Variants in COL4A2 observed in about 807,000 individuals in gnomAD.
COL4A2 encodes the protein collagen type IV alpha 2 chain.
Under a neutral mutation model 200.2 loss-of-function variants are expected in COL4A2, and 99 were observed. That is an observed-to-expected ratio of 0.49 (90% confidence interval 0.42 to 0.58). The LOEUF (loss-of-function observed/expected upper bound fraction) is 0.58, where lower values mean the gene tolerates loss of function less well. Ranked by LOEUF, COL4A2 falls within the 20% of genes least tolerant of loss-of-function variation. The probability of loss-of-function intolerance (pLI) is 0.00; values close to 1 mark genes in which losing one functional copy is unlikely to be tolerated. For synonymous variants in COL4A2, 897 were observed against 900.6 expected, an observed-to-expected ratio of 1.00 and a Z score of 0.07; for missense variants, 1,950 against 2,314.1, an observed-to-expected ratio of 0.84 and a Z score of 3.23.
intron 4 of COL4A2, among the ~76,000 whole-genome samples, chr13:110,381,428 T>C (rs1396215135): frequency 1.3e-5 from 2 of 152,244 alleles, no homozygotes; most frequent in Non-Finnish European, 2.9e-5. Flanking sequence ...TCTTTAAAAA[T>C]CTAAAATACT....
intron 6 of COL4A2, among the ~76,000 whole-genome samples, chr13:110,425,340 C>T (rs1372803414): frequency 6.6e-6 from 1 of 152,198 alleles, no homozygotes; most frequent in East Asian, 1.9e-4. Context: ...TAAAGTCGTT[C>T]AGCCAAGAGC....
intron 12 of COL4A2, among the ~76,000 whole-genome samples, chr13:110,435,242 G>A (rs1880829377): frequency 6.6e-6 from 1 of 152,076 alleles, no homozygotes; most frequent in Non-Finnish European, 1.5e-5. Flanking sequence ...GGAAAAAAAA[G>A]AAAGAAAAAC....
chr13:110,438,711 G>GT (rs777571956), intron 15 of COL4A2, 43 bp downstream of exon 15: 1 of 1,613,122 alleles, frequency 6.2e-7, no homozygotes, highest in South Asian at 1.1e-5. Flanking sequence ...GTTTGGTTTG[G>GT]TTTTTTTCAG....
chr13:110,307,566 C>A lies in COL4A2; in HGVS notation c.-45+38C>A. On this transcript the variant is annotated intron_variant, in intron 1 of 47. Coordinates refer to ENST00000360467, the MANE Select transcript of COL4A2 (RefSeq NM_001846.4). This position sits in a 1 kb window ranked among gnomAD's most constrained non-coding sequence, Gnocchi z 5.0. ...CCCGAGCGGCGCCCAGACCCTGGCC[C>A]GAGAGCACCGACTTGGAGCGCCTTG... 2.9e-6 allele frequency: 1 copy of A among 350,562 alleles called. No individual in the cohort carries two copies. The highest frequency in any genetic ancestry group is 4.6e-5 in the Admixed American group (1 of 21,754). The allele number at this position is 350,562 out of a possible 1,614,324, so 21.7% of individuals were successfully genotyped here. A position where few individuals can be genotyped will look rare whatever the true frequency, so the allele number is the denominator to read the frequency against.
At chr13:110,483,688 G>A (rs954604292) in intron 32 of COL4A2, among the ~76,000 whole-genome samples, 1 of 131,638 alleles carries the variant, frequency 7.6e-6, no homozygotes, top group Non-Finnish European at 1.5e-5. Context: ...AAGTGGATTC[G>A]CAGTTTCCTA....
chr13:110,447,007 TAAAC>T (rs749064824), intron 18 of COL4A2, 143 bp downstream of exon 18: 33 of 520,682 alleles, frequency 6.3e-5, no homozygotes, highest in Non-Finnish European at 9.6e-5. Flanking sequence ...AAATAAAAAA[TAAAC>T]CACGAAATTT....
rs547430295 is a variant in COL4A2 at position 110,484,450 on chromosome 13, C to G, written c.2903-455C>G. Reference sequence around the variant, plus strand: ...TGCAATTTCTCAGCTCCTCAGAACCCCCCGGAGACCTCCCTTCCATGCTTC... The same window carrying G: ...TGCAATTTCTCAGCTCCTCAGAACCGCCCGGAGACCTCCCTTCCATGCTTC... On this transcript the variant is annotated intron_variant, in intron 32 of 47. Coordinates refer to ENST00000360467, the MANE Select transcript of COL4A2 (RefSeq NM_001846.4). Among the ~76,000 whole-genome samples the G allele has an allele frequency of 2.6e-5, 4 of 152,250 alleles. No homozygotes were observed. In the East Asian group the frequency reaches 7.8e-4, roughly 30 times the overall value.
chr13:110,307,577 A>G lies in COL4A2; in HGVS notation c.-45+49A>G, dbSNP rs1394298658. On this transcript the variant is annotated intron_variant, in intron 1 of 47. Transcript: ENST00000360467. This position sits in a 1 kb window ranked among gnomAD's most constrained non-coding sequence, Gnocchi z 5.0. ...CCCAGACCCTGGCCCGAGAGCACCG[A>G]CTTGGAGCGCCTTGTGCAGGCTAGG... The G allele has an allele frequency of 5.5e-6, 2 of 361,668 alleles. No individual in the cohort carries two copies. Among genetic ancestry groups the G allele is most frequent in the Non-Finnish European group, 9.9e-6 (2 of 202,198 alleles). The allele number at this position is 361,668 out of a possible 1,614,324, so 22.4% of individuals were successfully genotyped here.
At chr13:110,360,182 T>C (rs1594168937) in intron 4 of COL4A2, among the ~76,000 whole-genome samples, 1 of 152,336 alleles carries the variant, frequency 6.6e-6, no homozygotes, top group East Asian at 1.9e-4. Context: ...GAATTGGTGG[T>C]ATACACATAT....
At chr13:110,387,254 A>AT (rs1457228855) in intron 4 of COL4A2, among the ~76,000 whole-genome samples, 1 of 151,568 alleles carries the variant, frequency 6.6e-6, no homozygotes, top group Non-Finnish European at 1.5e-5. Flanking sequence ...AGTAATAATA[A>AT]TAAAAAAAAG....
At chr13:110,421,341 G>T (rs1880243744) in intron 4 of COL4A2, among the ~76,000 whole-genome samples, 1 of 152,136 alleles carries the variant, frequency 6.6e-6, no homozygotes, top group African/African-American at 2.4e-5. Flanking sequence ...TAGCCAAAAG[G>T]TAGAGACACC....
intron 4 of COL4A2, among the ~76,000 whole-genome samples, chr13:110,394,687 C>T (rs979660918): frequency 1.3e-5 from 2 of 152,168 alleles, no homozygotes; most frequent in African/African-American, 4.8e-5. Context: ...GTCTTGTTTC[C>T]CACACTGCTG....
At chr13:110,415,191 A>G (rs577823620) in intron 4 of COL4A2, among the ~76,000 whole-genome samples, 1 of 152,358 alleles carries the variant, frequency 6.6e-6, no homozygotes, top group Admixed American at 6.5e-5. Context: ...TCTCTTGCTG[A>G]TAGTGGTGGT....
intron 3 of COL4A2, among the ~76,000 whole-genome samples, chr13:110,308,505 G>A (rs1005402857): frequency 6.6e-6 from 1 of 152,200 alleles, no homozygotes; most frequent in African/African-American, 2.4e-5. Context: ...TGGAACTCGG[G>A]AGCTGGTGGG....
At chr13:110,367,440 A>G (rs11617097) in intron 4 of COL4A2, among the ~76,000 whole-genome samples, 11,123 of 152,312 alleles carry the variant, frequency 0.073, 527 homozygotes, top group Middle Eastern at 0.11. Flanking sequence ...GATGAATTCT[A>G]TAGTTAGGTT....
Position 110,385,917 on chromosome 13 carries a change from G to C in COL4A2, c.180+28365G>C, listed in dbSNP as rs77732615. On this transcript the variant is annotated intron_variant, in intron 4 of 47. Coordinates refer to ENST00000360467, the MANE Select transcript of COL4A2 (RefSeq NM_001846.4). ...TGGATAGGCCGTGGTTACAGCGTGT[G>C]GATGGGCCGTGGTTACAGCGTGTGG... Among the ~76,000 whole-genome samples the C allele has an allele frequency of 4.1e-4, 29 of 70,010 alleles. 10 individuals are homozygous for C. The East Asian group carries it at 6.0e-3, about 14-fold the overall frequency. 45.9% of individuals were successfully genotyped at this position (70,010 alleles called of 152,430 possible).
In COL4A2 at chr13:110,460,049, T is replaced by G. The variant is rs145227445; in HGVS notation, c.1596+1115T>G. The stretch of plus-strand genomic sequence containing the variant: ...TCAGATGTAGACAAAGAAAGTATAC[T>G]TTTTGTTGATTTTTTAACTTAAAAA... On this transcript the variant is annotated intron_variant, in intron 22 of 47. Coordinates refer to ENST00000360467, the MANE Select transcript of COL4A2 (RefSeq NM_001846.4). 2.7e-3 allele frequency among the ~76,000 whole-genome samples: 406 copies of G among 152,306 alleles called. 2 individuals are homozygous for G. Among genetic ancestry groups the G allele is most frequent in the African/African-American group, 9.2e-3 (381 of 41,578 alleles).
At chr13:110,411,051 T>C (rs368418323) in intron 4 of COL4A2, among the ~76,000 whole-genome samples, 1 of 152,170 alleles carries the variant, frequency 6.6e-6, no homozygotes, top group South Asian at 2.1e-4. Context: ...CCTGTGGGGT[T>C]ACTGCAGGGA....
Position 110,449,635 on chromosome 13 carries a change from A to T in COL4A2, c.1079-44A>T, listed in dbSNP as rs1359344551. On this transcript the variant is annotated intron_variant, in intron 18 of 47. Coordinates refer to ENST00000360467, the MANE Select transcript of COL4A2 (RefSeq NM_001846.4). ...AAAGTGAACGCCAGCTGCGATCCGT[A>T]GACCACGGTCTTGTTCTTACTGTGG... 8 of 1,498,060 alleles carry T rather than the reference A, an allele frequency of 5.3e-6. No individual in the cohort carries two copies. The East Asian group carries it at 1.5e-4, about 28-fold the overall frequency. The allele number at this position is 1,498,060 out of a possible 1,614,324, so 92.8% of individuals were successfully genotyped here.
Sources: allele counts gnomAD v4.1 joint callset (sites outside exome capture counted in the v4.1 genomes callset), GRCh38; gene constraint gnomAD v4.1.1; non-coding constraint Gnocchi (gnomAD v3.1); transcripts MANE v1.5; gene names NCBI Gene and HGNC (gene_info 2026-07-23, HGNC 2026-07-21).